Variants in MKLN1 observed in about 807,000 individuals in gnomAD.
The protein encoded by MKLN1 is muskelin.
Under a neutral mutation model 99.0 loss-of-function variants are expected in MKLN1, and 18 were observed. The observed-to-expected ratio is 0.18, with a 90% confidence interval of 0.13 to 0.27. The LOEUF (loss-of-function observed/expected upper bound fraction) is 0.27. Among genes scored for constraint, MKLN1 ranks in the 10% least tolerant of loss-of-function variants. The probability of loss-of-function intolerance (pLI) is 1.00; values close to 1 mark genes in which losing one functional copy is unlikely to be tolerated. For missense variants in MKLN1, 621 were observed against 875.9 expected (o/e 0.71, Z 3.67); for synonymous variants, 288 against 293.2 (o/e 0.98, Z 0.18).
At chr7:131,291,800 T>TA (rs199527247) in intron 3 of MKLN1, among the ~76,000 whole-genome samples, 4,105 of 142,512 alleles carry the variant, frequency 0.029, 190 homozygotes, top group African/African-American at 0.1. Context: ...ACATTTAAAT[T>TA]TAAAAAAAAA....
At chr7:131,335,345 A>T (rs944109445) in intron 1 of MKLN1, among the ~76,000 whole-genome samples, 1 of 152,186 alleles carries the variant, frequency 6.6e-6, no homozygotes, top group African/African-American at 2.4e-5. Flanking sequence ...GGTTTTGCTT[A>T]TGATGAAATT....
At chr7:131,456,592 CAT>C (rs146035340) in intron 12 of MKLN1, among the ~76,000 whole-genome samples, 157 of 152,322 alleles carry the variant, frequency 1.0e-3, no homozygotes, top group African/African-American at 3.6e-3. Flanking sequence ...TTGATGAAAA[CAT>C]GTGGACTGAC....
In MKLN1 at chr7:131,328,176, G is replaced by A; in HGVS notation, c.98+179G>A. ...GCGTTGCTCGGCCTCGCTCGGGAAG[G>A]GGTTAGGGTCCGGAGAGCGAGCCCA... On this transcript the variant is annotated intron_variant, in intron 1 of 17. Transcript: ENST00000352689. 5.2e-6 allele frequency: 4 copies of A among 772,134 alleles called. No homozygotes were observed. In the African/African-American group the frequency reaches 5.3e-5, roughly 10 times the overall value. The allele number at this position is 772,134 out of a possible 1,614,324, so 47.8% of individuals were successfully genotyped here. A position where few individuals can be genotyped will look rare whatever the true frequency, so the allele number is the denominator to read the frequency against.
intron 2 of MKLN1, among the ~76,000 whole-genome samples, chr7:131,186,024 T>C (rs1796445387): frequency 6.7e-6 from 1 of 150,006 alleles, no homozygotes; most frequent in African/African-American, 2.5e-5. Flanking sequence ...AACCCCGTCT[T>C]CACTAAAAAA....
At chr7:131,164,106 T>C (rs975559111) in intron 2 of MKLN1, among the ~76,000 whole-genome samples, 7 of 152,100 alleles carry the variant, frequency 4.6e-5, no homozygotes, top group Admixed American at 4.6e-4. Flanking sequence ...CTTACTTGCT[T>C]TGTTTTTGTT....
At chr7:131,445,272 T>C (rs995995112) in intron 11 of MKLN1, among the ~76,000 whole-genome samples, 3 of 152,170 alleles carry the variant, frequency 2.0e-5, no homozygotes, top group African/African-American at 7.2e-5. Context: ...AGCATATACA[T>C]TGTTCTAAAG....
chr7:131,276,272 T>C (rs1037982722), intron 3 of MKLN1, among the ~76,000 whole-genome samples: 5 of 151,998 alleles, frequency 3.3e-5, no homozygotes, highest in Admixed American at 6.6e-5. Flanking sequence ...GAGAAAAATG[T>C]TGGGGAGAGA....
chr7:131,288,088 C>A (rs533491509), intron 3 of MKLN1, among the ~76,000 whole-genome samples: 6 of 152,254 alleles, frequency 3.9e-5, no homozygotes, highest in African/African-American at 1.2e-4. Context: ...TTAATACAAG[C>A]CCCATGTCCT....
intron 17 of MKLN1, among the ~76,000 whole-genome samples, chr7:131,482,891 G>T (rs1797165935): frequency 6.6e-6 from 1 of 152,172 alleles, no homozygotes; most frequent in Admixed American, 6.5e-5. Context: ...AGTAGCTACT[G>T]TATGATCCCC....
At position 131,375,891 on chromosome 7, in the gene MKLN1, G is replaced by A. The variant is rs574498626; in HGVS notation, c.168+398G>A. Among the ~76,000 whole-genome samples the A allele has an allele frequency of 3.3e-5, 5 of 149,800 alleles. No homozygotes were observed. The South Asian group carries it at 1.1e-3, about 31-fold the overall frequency. On this transcript the variant is annotated intron_variant, in intron 2 of 17. Transcript: ENST00000352689. ...TATTTAAATGGCATCAGGACCATGT[G>A]CTAAATTTCTTTTCCCTGGCAAGTA... is the stretch of plus-strand genomic sequence containing the variant.
chr7:131,418,211 A>T (rs2116366537), intron 8 of MKLN1, among the ~76,000 whole-genome samples: 1 of 152,056 alleles, frequency 6.6e-6, no homozygotes, highest in African/African-American at 2.4e-5. Context: ...TCTACTAAAA[A>T]TACAAAAATT....
intron 12 of MKLN1, among the ~76,000 whole-genome samples, chr7:131,452,393 CTTGAT>C (rs1277398443): frequency 6.6e-6 from 1 of 152,076 alleles, no homozygotes. Flanking sequence ...ATCTACAGAA[CTTGAT>C]TTATCTATAA....
chr7:131,394,708 T>C (rs1727581544), intron 4 of MKLN1, among the ~76,000 whole-genome samples: 1 of 152,056 alleles, frequency 6.6e-6, no homozygotes, highest in Non-Finnish European at 1.5e-5. Flanking sequence ...AGTCGGATAT[T>C]GGAAATCATT....
Position 131,489,707 on chromosome 7 carries a change from T to TAAA in MKLN1, c.*1979_*1980insAAA, listed in dbSNP as rs1345228684. On this transcript the variant is annotated 3_prime_UTR_variant, in exon 18 of 18. Coordinates refer to ENST00000352689, the MANE Select transcript of MKLN1 (RefSeq NM_013255.5). ...CTCCACCATTTATTTTTACAGTGCT[T>TAAA]TGTAATTTTTTTCATCAGTTCCTTA... 6.6e-6 allele frequency: 1 copy of TAAA among 152,144 alleles called. No homozygotes were observed. The highest frequency in any genetic ancestry group is 1.5e-5 in the Non-Finnish European group (1 of 68,008). 9.4% of individuals were successfully genotyped at this position (152,144 alleles called of 1,614,324 possible). A position where few individuals can be genotyped will look rare whatever the true frequency, so the allele number is the denominator to read the frequency against.
At chr7:131,482,348 C>A (rs1477867300) in intron 17 of MKLN1, among the ~76,000 whole-genome samples, 6 of 152,162 alleles carry the variant, frequency 3.9e-5, no homozygotes, top group Admixed American at 3.9e-4. Context: ...GCATGCACAA[C>A]CATGCTGAGC....
chr7:131,441,781 C>T (rs959142088), intron 10 of MKLN1, among the ~76,000 whole-genome samples: 14 of 151,992 alleles, frequency 9.2e-5, no homozygotes, highest in African/African-American at 3.4e-4. Flanking sequence ...TGTAGCCATA[C>T]GAAGTAGAAA....
intron 16 of MKLN1, among the ~76,000 whole-genome samples, chr7:131,478,199 C>A (rs1797018325): frequency 6.6e-6 from 1 of 152,102 alleles, no homozygotes; most frequent in Non-Finnish European, 1.5e-5. Context: ...GCTGAGACAT[C>A]AGGTATTTTA....
intron 3 of MKLN1, chr7:131,309,939 ATGGTCT>A (rs1229545932): frequency 6.6e-6 from 1 of 151,746 alleles, no homozygotes; most frequent in Non-Finnish European, 1.5e-5. Flanking sequence ...GTTATCCAGG[ATGGTCT>A]TGATCTCCTC....
chr7:131,175,981 C>A (rs1361506472), intron 2 of MKLN1, among the ~76,000 whole-genome samples: 2 of 152,110 alleles, frequency 1.3e-5, no homozygotes, highest in African/African-American at 4.8e-5. Context: ...CCCATTTACT[C>A]CCAGTTGACA....
Sources: gnomAD v4.1 joint callset for allele counts (sites outside exome capture counted in the v4.1 genomes callset) on GRCh38, gnomAD v4.1.1 for gene constraint, MANE v1.5 for transcripts, NCBI Gene and HGNC (gene_info 2026-07-23, HGNC 2026-07-21) for gene names.